Variants in EPHB6 observed in about 807,000 individuals in gnomAD.
The protein encoded by EPHB6 is ephrin type-B receptor 6.
Under a neutral mutation model 107.0 loss-of-function variants are expected in EPHB6, and 51 were observed. That is an observed-to-expected ratio of 0.48 (90% CI 0.38 to 0.60). The LOEUF is 0.60. Among genes scored for constraint, EPHB6 ranks in the 20% least tolerant of loss-of-function variants. The pLI is 0.00. For synonymous variants in EPHB6, 553 were observed against 549.0 expected, an observed-to-expected ratio of 1.01 and a Z score of -0.10; for missense variants, 1,141 against 1,355.5, an observed-to-expected ratio of 0.84 and a Z score of 2.48.
At chr7:142,862,562 C>G (rs1802891035) in intron 3 of EPHB6, among the ~76,000 whole-genome samples, 194 bp from the exon 4 acceptor site, 1 of 152,086 alleles carries the variant, frequency 6.6e-6, no homozygotes, top group Non-Finnish European at 1.5e-5. Context: ...TGGTCCCTTC[C>G]CTCCCATCAT....
chr7:142,865,880 TC>T (rs1803133620), intron 8 of EPHB6, 79 bp from the exon 9 acceptor site: 1 of 1,243,850 alleles, frequency 8.0e-7, no homozygotes, highest in South Asian at 1.2e-5. Context: ...CCACCCACCC[TC>T]CCCTGGCTCC....
In EPHB6 at chr7:142,867,494, G is replaced by A. The variant is rs1563344770; in HGVS notation, c.1751-114G>A. The A allele has an allele frequency of 1.2e-6, 1 of 857,938 alleles. No homozygotes were observed. Among genetic ancestry groups the A allele is most frequent in the Non-Finnish European group, 1.9e-6 (1 of 524,942 alleles). 53.1% of individuals were successfully genotyped at this position (857,938 alleles called of 1,614,324 possible). ...CCCTGTGCATGGATGTGGGAGGTTTGGGGCATGCGCGTGCATGTTGTGTGT... is the reference window on the plus strand; with the variant it reads ...CCCTGTGCATGGATGTGGGAGGTTTAGGGCATGCGCGTGCATGTTGTGTGT... On this transcript the variant is annotated intron_variant, in intron 11 of 19. Coordinates refer to ENST00000652003, the MANE Select transcript of EPHB6 (RefSeq NM_004445.6). This position sits in a 1 kb window ranked among gnomAD's most constrained non-coding sequence, Gnocchi z 5.3.
chr7:142,860,689 A>T (rs913014242), intron 1 of EPHB6, among the ~76,000 whole-genome samples: 3 of 152,170 alleles, frequency 2.0e-5, no homozygotes, highest in Non-Finnish European at 4.4e-5. Flanking sequence ...TGAACTCTCT[A>T]TTTCACAAAT....
chr7:142,870,043 C>G (rs762431788), intron 17 of EPHB6, 77 bp downstream of exon 17: 210 of 1,607,118 alleles, frequency 1.3e-4, no homozygotes, highest in Middle Eastern at 1.7e-4. Flanking sequence ...CCTCCATTCT[C>G]TACTCCGTTT....
In EPHB6 at chr7:142,869,863, ATGG is replaced by A; in HGVS notation, c.2508_2510del (p.His836_Gly837delinsGln). ...TGGGCAGCCCCAGAGGTCATTGCAC[ATGG>A]AAAGCATACAACATCCAGTGATGTC... On this transcript the variant is annotated inframe_deletion, in exon 17 of 20. Coordinates refer to ENST00000652003, the MANE Select transcript of EPHB6 (RefSeq NM_004445.6). The surrounding 1 kb of genome is among the most constrained non-coding windows in gnomAD (Gnocchi z 4.5). 2 of 1,614,234 alleles carry A rather than the reference ATGG, an allele frequency of 1.2e-6. No homozygotes were observed. Among genetic ancestry groups the A allele is most frequent in the Non-Finnish European group, 1.7e-6 (2 of 1,180,042 alleles).
In EPHB6 at chr7:142,868,627, G is replaced by A. The variant is rs1227121678; in HGVS notation, c.2174G>A (p.Gly725Asp). 1 of 1,613,874 alleles carries A rather than the reference G, an allele frequency of 6.2e-7. No homozygotes were observed. Among genetic ancestry groups the A allele is most frequent in the South Asian group, 1.1e-5 (1 of 91,088 alleles). ...MTFLGRAAVL[G>D]QFQHPNILRL... ...TTCCTGGGCCGGGCCGCAGTGCTGG[G>A]TCAGTTCCAGCACCCCAACATCCTG... The change falls in exon 15 of 20, where the codon GGT becomes GAT. Residue 725 changes from glycine to aspartate, a missense_variant. Coordinates refer to ENST00000652003, the MANE Select transcript of EPHB6 (RefSeq NM_004445.6). This position sits in a 1 kb window ranked among gnomAD's most constrained non-coding sequence, Gnocchi z 4.2.
intron 19 of EPHB6, 42 bp from the exon 20 acceptor site, chr7:142,870,754 C>T (rs377461479): frequency 3.3e-5 from 53 of 1,613,984 alleles, no homozygotes; most frequent in South Asian, 3.3e-5. Flanking sequence ...TTGGGGATCT[C>T]GGAGAAGCTG....
At chr7:142,860,410 A>G (rs1285010827) in intron 1 of EPHB6, among the ~76,000 whole-genome samples, 2 of 152,196 alleles carry the variant, frequency 1.3e-5, no homozygotes, top group South Asian at 2.1e-4. Context: ...CACGTCTCCA[A>G]ATTAAGCCAT....
chr7:142,865,421 C>G, intron 7 of EPHB6, 54 bp from the exon 8 acceptor site: 2 of 1,609,532 alleles, frequency 1.2e-6, no homozygotes, highest in African/African-American at 1.3e-5. Context: ...GTTGGGAGCT[C>G]AGGGTGGGTG....
chr7:142,863,001 G>C (rs1802916625), intron 4 of EPHB6, 126 bp from the exon 5 acceptor site: 1 of 573,170 alleles, frequency 1.7e-6, no homozygotes, highest in Non-Finnish European at 3.1e-6. Context: ...TCCCATGGTG[G>C]GTGCTGGGGC....
intron 7 of EPHB6, 101 bp from the exon 8 acceptor site, chr7:142,865,374 G>A (rs1051430082): frequency 6.7e-7 from 1 of 1,482,776 alleles, no homozygotes; most frequent in African/African-American, 1.4e-5. Flanking sequence ...ACCAGCTCTG[G>A]GGAAGAGAAG....
intron 1 of EPHB6, among the ~76,000 whole-genome samples, chr7:142,857,603 A>C (rs1338304742): frequency 6.6e-6 from 1 of 152,112 alleles, no homozygotes; most frequent in African/African-American, 2.4e-5. Context: ...CCAGACATAA[A>C]ACCTCGAACC....
chr7:142,865,663 G>A, intron 8 of EPHB6, 33 bp downstream of exon 8: 1 of 1,609,132 alleles, frequency 6.2e-7, no homozygotes, highest in Non-Finnish European at 8.5e-7. Context: ...CAATGGGAAA[G>A]AGACTTGGAG....
rs1453097702 is a variant in EPHB6, at chr7:142,868,254, G to A, written c.1932G>A (p.Lys644=). 2.5e-6 allele frequency: 4 copies of A among 1,614,054 alleles called. No individual in the cohort carries two copies. The highest frequency in any genetic ancestry group is 3.4e-6 in the Non-Finnish European group (4 of 1,180,032). ...QQYSSPGLGV[K]YYIDPSTYED... is the part of the protein sequence containing the mutation. Reference sequence around the variant, plus strand: ...ACACCCCTCCAGGACTCGGGGTGAAGTATTACATCGACCCCTCCACCTACG... The same window carrying A: ...ACACCCCTCCAGGACTCGGGGTGAAATATTACATCGACCCCTCCACCTACG... The change falls in exon 14 of 20, where the codon AAG becomes AAA. Residue 644 remains lysine (K), a synonymous_variant. Transcript: ENST00000652003. This position sits in a 1 kb window ranked among gnomAD's most constrained non-coding sequence, Gnocchi z 4.2.
Position 142,868,405 on chromosome 7 carries a change from G to T in EPHB6, c.2038+45G>T, listed in dbSNP as rs775996171. On this transcript the variant is annotated intron_variant, in intron 14 of 19. Transcript: ENST00000652003. The surrounding 1 kb of genome is among the most constrained non-coding windows in gnomAD (Gnocchi z 4.2). ...GGGATCAGAGCGACGGGGCTCCCTT[G>T]TGGCCTCCGCTGGCCAGAGTCCCAT... 2 of 1,613,846 alleles carry T rather than the reference G, an allele frequency of 1.2e-6. No homozygotes were observed. The highest frequency in any genetic ancestry group is 2.2e-5 in the East Asian group (1 of 44,870).
rs1794803951 is a variant in EPHB6 at position 142,869,654 on chromosome 7, T to G, written c.2461-163T>G. On this transcript the variant is annotated intron_variant, in intron 16 of 19. Coordinates refer to ENST00000652003, the MANE Select transcript of EPHB6 (RefSeq NM_004445.6). The surrounding 1 kb of genome is among the most constrained non-coding windows in gnomAD (Gnocchi z 4.5). ...CCATAAACGTGACTATTGCTTCTGCTTCTGTGAAATGGAGATGATATCATC... is the reference window on the plus strand; with the variant it reads ...CCATAAACGTGACTATTGCTTCTGCGTCTGTGAAATGGAGATGATATCATC... 1.3e-5 allele frequency: 11 copies of G among 816,786 alleles called. 1 individual carries two copies. In the South Asian group the frequency reaches 1.6e-4, roughly 12 times the overall value. 50.6% of individuals were successfully genotyped at this position (816,786 alleles called of 1,614,324 possible). A position where few individuals can be genotyped will look rare whatever the true frequency, so the allele number is the denominator to read the frequency against.
chr7:142,870,311 G>T lies in EPHB6; in HGVS notation c.2708G>T (p.Arg903Leu). 2 of 1,614,226 alleles carry T rather than the reference G, an allele frequency of 1.2e-6. No homozygotes were observed. The highest frequency in any genetic ancestry group is 1.3e-5 in the African/African-American group (1 of 75,066). ...ATGTTGGACACTTGGCAGAAGGACC[G>T]TGCCCGGCGGCCTCATTTTGACCAG... ...LLMLDTWQKD[R>L]ARRPHFDQLV... The change falls in exon 18 of 20, where the codon CGT (arginine) becomes CTT (leucine). Residue 903 changes from arginine (R) to leucine (L), a missense_variant. By Grantham distance (102) the Arg-to-Leu change is moderately radical (BLOSUM62 -2). This residue lies in a region of EPHB6 where 616 missense variants were observed against 759.3 expected (regional missense o/e 0.81). Coordinates refer to ENST00000652003, the MANE Select transcript of EPHB6 (RefSeq NM_004445.6).
In EPHB6 at chr7:142,871,049, C is replaced by A; in HGVS notation, c.*145C>A. 1 of 782,534 alleles carries A rather than the reference C, an allele frequency of 1.3e-6. No individual in the cohort carries two copies. The highest frequency in any genetic ancestry group is 2.2e-6 in the Non-Finnish European group (1 of 463,284). The allele number at this position is 782,534 out of a possible 1,614,324, so 48.5% of individuals were successfully genotyped here. On this transcript the variant is annotated 3_prime_UTR_variant, in exon 20 of 20. Coordinates refer to ENST00000652003, the MANE Select transcript of EPHB6 (RefSeq NM_004445.6). ...GGCTGCATTCCCTGGTCCTCCGCCT[C>A]TCCACCAGCCCCCTCCTCATTAAAG...
intron 17 of EPHB6, 25 bp from the exon 18 acceptor site, chr7:142,870,189 G>A (rs4987691): frequency 0.88 from 1,426,027 of 1,613,812 alleles, 640,428 homozygotes; most frequent in East Asian, 0.97. Context: ...ACTTCCCATC[G>A]TCATAGTCTT....
Sources: gnomAD v4.1 joint callset for allele counts (sites outside exome capture counted in the v4.1 genomes callset) on GRCh38, gnomAD v4.1.1 for gene constraint, gnomAD v4.1.1 regional missense constraint, Gnocchi (gnomAD v3.1) non-coding constraint, MANE v1.5 for transcripts, NCBI Gene and HGNC (gene_info 2026-07-23, HGNC 2026-07-21) for gene names.